Variants in NPY2R observed in about 807,000 individuals in gnomAD.
NPY2R encodes the protein neuropeptide Y receptor type 2.
NPY2R carries 17 observed loss-of-function variants against 22.3 expected under a neutral mutation model. The ratio of observed to expected loss-of-function variants is 0.76; its 90% confidence interval spans 0.52 to 1.14. The LOEUF (loss-of-function observed/expected upper bound fraction) is 1.14. Among genes scored for constraint, NPY2R ranks in the 50% most tolerant of loss-of-function variants. The probability of loss-of-function intolerance (pLI) is 0.00; values close to 1 mark genes in which losing one functional copy is unlikely to be tolerated. For missense variants in NPY2R, 424 were observed against 467.9 expected (o/e 0.91, Z 0.87); for synonymous variants, 209 against 183.4 (o/e 1.14, Z -1.13).
At chr4:155,178,645 T>C in the NPY2R span, among the ~76,000 whole-genome samples, 1 of 152,232 alleles carries the variant, frequency 6.6e-6, no homozygotes, top group Admixed American at 6.5e-5. Flanking sequence ...ACTATTTCAG[T>C]TGTTCATATA....
chr4:155,192,412 G>A, the NPY2R span, among the ~76,000 whole-genome samples: 4 of 151,750 alleles, frequency 2.6e-5, no homozygotes, highest in Non-Finnish European at 4.4e-5. Context: ...GAAAAAAAAG[G>A]CCTAGTAGCT....
the NPY2R span, among the ~76,000 whole-genome samples, chr4:155,176,244 T>A: frequency 6.6e-6 from 1 of 152,150 alleles, no homozygotes; most frequent in African/African-American, 2.4e-5. Flanking sequence ...AGCACCCTAT[T>A]AAAGCCTTGT....
chr4:155,203,564 A>G, the NPY2R span, among the ~76,000 whole-genome samples: 1 of 152,134 alleles, frequency 6.6e-6, no homozygotes, highest in Non-Finnish European at 1.5e-5. Flanking sequence ...TTCAGGTATT[A>G]ACTCCTTCTG....
In NPY2R at chr4:155,214,631, C is replaced by T. The variant is rs1386223028; in HGVS notation, c.692C>T (p.Pro231Leu). 6.2e-7 allele frequency: 1 copy of T among 1,614,148 alleles called. No individual in the cohort carries two copies. The highest frequency in any genetic ancestry group is 1.7e-5 in the Admixed American group (1 of 60,030). ...TCCTTGTTGATCTTGTATGTTTTGC[C>T]TCTGGGCATTATATCATTTTCCTAC... is the stretch of plus-strand genomic sequence containing the variant. The part of the protein sequence containing the change: ...LSSLLILYVL[P>L]LGIISFSYTR... The change falls in exon 2 of 2, where the codon CCT (proline) becomes CTT (leucine). Residue 231 changes from proline (P) to leucine (L), a missense_variant. By Grantham distance (98) the Pro-to-Leu change is moderately conservative. Coordinates refer to ENST00000329476, the MANE Select transcript of NPY2R (RefSeq NM_000910.4).
the NPY2R span, among the ~76,000 whole-genome samples, chr4:155,188,109 A>C: frequency 6.6e-6 from 1 of 152,090 alleles, no homozygotes. Context: ...CCTCATAAGC[A>C]CTATGAGTAC....
chr4:155,196,495 G>A, the NPY2R span, among the ~76,000 whole-genome samples: 2 of 151,964 alleles, frequency 1.3e-5, no homozygotes, highest in South Asian at 2.1e-4. Context: ...TGAAGCCAAG[G>A]CAGTATGGAA....
At chr4:155,189,541 G>C in the NPY2R span, among the ~76,000 whole-genome samples, 2 of 151,974 alleles carry the variant, frequency 1.3e-5, no homozygotes, top group African/African-American at 4.8e-5. Flanking sequence ...CCAGTGGATG[G>C]TGGGCTTTTG....
the NPY2R span, among the ~76,000 whole-genome samples, chr4:155,185,251 G>T: frequency 4.9e-3 from 741 of 152,044 alleles, 22 homozygotes; most frequent in Non-Finnish European, 1.2e-3. Context: ...TATTGGCCAG[G>T]CTGGTCTCAA....
At chr4:155,190,011 A>G in the NPY2R span, among the ~76,000 whole-genome samples, 1 of 152,014 alleles carries the variant, frequency 6.6e-6, no homozygotes, top group Non-Finnish European at 1.5e-5. Context: ...TCTGGAAGTC[A>G]CTGAATGTAC....
the NPY2R span, among the ~76,000 whole-genome samples, chr4:155,183,112 A>G: frequency 6.6e-6 from 1 of 152,056 alleles, no homozygotes; most frequent in African/African-American, 2.4e-5. Flanking sequence ...TAGTTTTATT[A>G]ATCTGTTAAA....
rs532954859 is a variant in NPY2R, at chr4:155,215,481, G to T, written c.*396G>T. The T allele has an allele frequency of 1.0e-5, 3 of 299,732 alleles. No homozygotes were observed. The South Asian group carries it at 1.1e-4, about 11-fold the overall frequency. 18.6% of individuals were successfully genotyped at this position (299,732 alleles called of 1,614,324 possible). On this transcript the variant is annotated 3_prime_UTR_variant, in exon 2 of 2. Transcript: ENST00000329476. ...CCTGGATTGAGGAGGTGTGCAGTTC[G>T]CTGCTCCCTGCTTGGCTTATGAAAA...
chr4:155,215,029 G>A lies in NPY2R; in HGVS notation c.1090G>A (p.Glu364Lys). 1.2e-6 allele frequency: 2 copies of A among 1,613,966 alleles called. No individual in the cohort carries two copies. The highest frequency in any genetic ancestry group is 2.2e-5 in the East Asian group (1 of 44,882). Residue 364 changes from glutamate (E) to lysine (K), a missense_variant, in exon 2 of 2, where the codon GAG becomes AAG. Transcript: ENST00000329476. ...GACATTCAAGGCTAAAAAGAACCTG[G>A]AGGTCAGAAAGAACAGTGGCCCCAA... The part of the protein sequence containing the change: ...SVTFKAKKNL[E>K]VRKNSGPNDS...
the NPY2R span, among the ~76,000 whole-genome samples, chr4:155,185,341 A>G: frequency 1.3e-5 from 2 of 152,116 alleles, no homozygotes; most frequent in Non-Finnish European, 2.9e-5. Context: ...CCCAGCCAAC[A>G]TATATTTTTA....
At chr4:155,189,508 A>T in the NPY2R span, among the ~76,000 whole-genome samples, 1 of 151,986 alleles carries the variant, frequency 6.6e-6, no homozygotes, top group African/African-American at 2.4e-5. Flanking sequence ...TGACATAATT[A>T]ATTTTTAAAA....
chr4:155,211,453 T>C (rs950769256), intron 1 of NPY2R, among the ~76,000 whole-genome samples: 3 of 152,202 alleles, frequency 2.0e-5, no homozygotes, highest in East Asian at 1.9e-4. Context: ...ACAGTATATA[T>C]TGGGCTGTCA....
chr4:155,182,082 ACTAAAGG>A, the NPY2R span, among the ~76,000 whole-genome samples: 4 of 152,162 alleles, frequency 2.6e-5, no homozygotes, highest in Admixed American at 6.5e-5. Context: ...AGAGAAAATA[ACTAAAGG>A]CTAATTAATC....
the NPY2R span, among the ~76,000 whole-genome samples, chr4:155,193,181 A>G: frequency 6.6e-6 from 1 of 151,876 alleles, no homozygotes; most frequent in Non-Finnish European, 1.5e-5. Flanking sequence ...TTAATCCTAG[A>G]GACTATATAT....
the NPY2R span, among the ~76,000 whole-genome samples, chr4:155,187,931 G>A: frequency 1.3e-5 from 2 of 152,120 alleles, no homozygotes; most frequent in Non-Finnish European, 2.9e-5. Flanking sequence ...AAGTTAATAT[G>A]TAACCTAAGT....
the NPY2R span, among the ~76,000 whole-genome samples, chr4:155,192,308 C>T: frequency 6.6e-6 from 1 of 151,620 alleles, no homozygotes; most frequent in African/African-American, 2.4e-5. Context: ...CTGTTAGAAC[C>T]AACTCCAAGA....
Sources: allele counts gnomAD v4.1 joint callset (sites outside exome capture counted in the v4.1 genomes callset), GRCh38; gene constraint gnomAD v4.1.1; transcripts MANE v1.5; gene names NCBI Gene and HGNC (gene_info 2026-07-23, HGNC 2026-07-21).